ADARB2: variants seen among roughly 807,000 people sequenced by gnomAD.
ADARB2 encodes adenosine deaminase RNA specific B2 (inactive), also known as inactive double-stranded RNA-specific editase B2.
In ADARB2, 25 loss-of-function variants were observed where a neutral mutation model predicts 62.2. The ratio of observed to expected loss-of-function variants is 0.40; its 90% confidence interval spans 0.29 to 0.56. The LOEUF (loss-of-function observed/expected upper bound fraction) is 0.56, where lower values mean the gene tolerates loss of function less well. Ranked by LOEUF, ADARB2 falls within the 20% of genes least tolerant of loss-of-function variation. The probability of loss-of-function intolerance (pLI) is 0.43; values close to 1 mark genes in which losing one functional copy is unlikely to be tolerated. For missense variants in ADARB2, 1,071 were observed against 1,077.4 expected, an observed-to-expected ratio of 0.99 and a Z score of 0.08; for synonymous variants, 572 against 500.8, an observed-to-expected ratio of 1.14 and a Z score of -1.90.
intron 1 of ADARB2, among the ~76,000 whole-genome samples, chr10:1,404,134 G>A (rs1288239971): frequency 6.6e-6 from 1 of 152,254 alleles, no homozygotes; most frequent in African/African-American, 2.4e-5. Flanking sequence ...CTGCCACCTA[G>A]GTGCTTTCCT....
At chr10:1,461,694 C>T (rs2131909385) in intron 1 of ADARB2, among the ~76,000 whole-genome samples, 1 of 151,596 alleles carries the variant, frequency 6.6e-6, no homozygotes, top group South Asian at 2.1e-4. Flanking sequence ...TGAAGCATCA[C>T]AGATGATTTT....
chr10:1,702,638 T>C (rs749175312), intron 1 of ADARB2, among the ~76,000 whole-genome samples: 2 of 152,200 alleles, frequency 1.3e-5, no homozygotes, highest in Admixed American at 6.5e-5. Flanking sequence ...CCAGTGACCC[T>C]GCTTTGCTTG....
intron 9 of ADARB2, among the ~76,000 whole-genome samples, chr10:1,183,700 C>G (rs1305260197): frequency 6.6e-6 from 1 of 152,160 alleles, no homozygotes; most frequent in Non-Finnish European, 1.5e-5. Flanking sequence ...GGGCAGGGAG[C>G]AGGCTGGTGA....
chr10:1,715,167 A>G (rs1052085593), intron 1 of ADARB2, among the ~76,000 whole-genome samples: 1 of 152,092 alleles, frequency 6.6e-6, no homozygotes, highest in East Asian at 1.9e-4. Flanking sequence ...TTTTATTAGA[A>G]AGCAAGAAGT....
chr10:1,526,763 G>A (rs756331145), intron 1 of ADARB2: 3 of 477,846 alleles, frequency 6.3e-6, no homozygotes, highest in South Asian at 4.6e-5. Flanking sequence ...CACGGACTGA[G>A]CCGGATGACA....
chr10:1,681,307 G>A (rs770838437), intron 1 of ADARB2, among the ~76,000 whole-genome samples: 10 of 152,036 alleles, frequency 6.6e-5, no homozygotes, highest in Non-Finnish European at 1.2e-4. Flanking sequence ...TCATTTCCTC[G>A]AAGCAGTCTA....
intron 4 of ADARB2, among the ~76,000 whole-genome samples, chr10:1,256,907 C>T (rs1255663204): frequency 6.6e-6 from 1 of 152,204 alleles, no homozygotes; most frequent in Non-Finnish European, 1.5e-5. Flanking sequence ...GGTCTCTTCT[C>T]CTACCGAGGA....
chr10:1,507,372 C>T (rs902051759), intron 1 of ADARB2, among the ~76,000 whole-genome samples: 7 of 152,320 alleles, frequency 4.6e-5, no homozygotes, highest in East Asian at 1.9e-4. Context: ...GCCTTGGCAC[C>T]GGACAGGAAG....
At chr10:1,234,584 G>C (rs986719398) in intron 5 of ADARB2, among the ~76,000 whole-genome samples, 2 of 151,968 alleles carry the variant, frequency 1.3e-5, no homozygotes, top group African/African-American at 4.8e-5. Context: ...GGGACTACAG[G>C]TGCACACCAC....
intron 1 of ADARB2, among the ~76,000 whole-genome samples, chr10:1,613,240 A>G (rs1341230340): frequency 6.6e-6 from 1 of 152,262 alleles, no homozygotes; most frequent in Non-Finnish European, 1.5e-5. Flanking sequence ...CTTTGGGGCA[A>G]AACAAGCATT....
chr10:1,551,998 G>A (rs1832631202), intron 1 of ADARB2, among the ~76,000 whole-genome samples: 1 of 151,078 alleles, frequency 6.6e-6, no homozygotes, highest in African/African-American at 2.4e-5. Flanking sequence ...GAGGCTGAGC[G>A]GCTCCAGGTG....
chr10:1,334,134 G>T (rs1172641862), intron 3 of ADARB2, among the ~76,000 whole-genome samples: 1 of 152,218 alleles, frequency 6.6e-6, no homozygotes, highest in Non-Finnish European at 1.5e-5. Context: ...GAGGCCGGAG[G>T]CTGTTTTGTG....
At chr10:1,229,487 T>G (rs1204330360) in intron 6 of ADARB2, among the ~76,000 whole-genome samples, 1 of 152,206 alleles carries the variant, frequency 6.6e-6, no homozygotes, top group Admixed American at 6.5e-5. Flanking sequence ...TGATACTTAC[T>G]ATCATGATTA....
intron 1 of ADARB2, among the ~76,000 whole-genome samples, chr10:1,639,566 C>G (rs769968286): frequency 6.6e-6 from 1 of 152,184 alleles, no homozygotes; most frequent in African/African-American, 2.4e-5. Context: ...CAAAGAGGGC[C>G]GGGCGCAGTG....
At chr10:1,282,329 G>A (rs1381043870) in intron 3 of ADARB2, among the ~76,000 whole-genome samples, 1 of 152,156 alleles carries the variant, frequency 6.6e-6, no homozygotes, top group Non-Finnish European at 1.5e-5. Flanking sequence ...TTTGCACTGC[G>A]TCCTTCCATT....
At chr10:1,728,024 C>T (rs192351735) in intron 1 of ADARB2, among the ~76,000 whole-genome samples, 15 of 152,302 alleles carry the variant, frequency 9.8e-5, no homozygotes, top group African/African-American at 2.9e-4. Context: ...GTATTGGTAG[C>T]CACATAAAGC....
In ADARB2 at chr10:1,242,391, C is replaced by T. The variant is rs575982828; in HGVS notation, c.1193-92G>A. Reference sequence around the variant, plus strand: ...TCAGGGTCTCACAACAGCGGTTTCCCTGGGTTAGGAAACCTTGGAAACACT... The same window carrying T: ...TCAGGGTCTCACAACAGCGGTTTCCTTGGGTTAGGAAACCTTGGAAACACT... On this transcript the variant is annotated intron_variant, in intron 4 of 9. Transcript: ENST00000381312. 18 of 1,415,032 alleles carry T rather than the reference C, an allele frequency of 1.3e-5. No individual in the cohort carries two copies. The East Asian group carries it at 3.6e-4, about 28-fold the overall frequency. The allele number at this position is 1,415,032 out of a possible 1,614,324, so 87.7% of individuals were successfully genotyped here. A position where few individuals can be genotyped will look rare whatever the true frequency, so the allele number is the denominator to read the frequency against.
chr10:1,509,286 C>A (rs999922418), intron 1 of ADARB2, among the ~76,000 whole-genome samples: 3 of 152,142 alleles, frequency 2.0e-5, no homozygotes, highest in Admixed American at 2.0e-4. Context: ...GGAGATGATA[C>A]CATTACCAAG....
intron 1 of ADARB2, among the ~76,000 whole-genome samples, chr10:1,571,353 T>C (rs1047978999): frequency 7.2e-5 from 11 of 152,172 alleles, no homozygotes; most frequent in African/African-American, 2.7e-4. Flanking sequence ...ATTTGCTTGG[T>C]GCTTGATACT....
Sources: allele counts gnomAD v4.1 joint callset (sites outside exome capture counted in the v4.1 genomes callset), GRCh38; gene constraint gnomAD v4.1.1; transcripts MANE v1.5; gene names NCBI Gene and HGNC (gene_info 2026-07-23, HGNC 2026-07-21).